SDK1: variants seen among roughly 807,000 people sequenced by gnomAD.
The protein encoded by SDK1 is protein sidekick-1.
SDK1 carries 157 observed loss-of-function variants against 245.5 expected under a neutral mutation model. The ratio of observed to expected loss-of-function variants is 0.64; its 90% confidence interval spans 0.56 to 0.73. The LOEUF is 0.73. SDK1 is among the 30% of genes least tolerant of loss of function. The pLI is 0.00. For synonymous variants in SDK1, 1,647 were observed against 1,278.5 expected, an observed-to-expected ratio of 1.29 and a Z score of -6.15; for missense variants, 3,583 against 3,002.3, an observed-to-expected ratio of 1.19 and a Z score of -4.52.
At chr7:3,675,387 A>G (rs183107575) in intron 4 of SDK1, among the ~76,000 whole-genome samples, 76 of 152,308 alleles carry the variant, frequency 5.0e-4, no homozygotes, top group Non-Finnish European at 8.2e-4. Context: ...GCTTGCTTGT[A>G]TTCAACACTT....
intron 5 of SDK1, among the ~76,000 whole-genome samples, chr7:3,920,028 G>T (rs555444196): frequency 6.6e-6 from 1 of 152,296 alleles, no homozygotes; most frequent in East Asian, 1.9e-4. Context: ...AGGATGAAAG[G>T]ATGTGGTTCA....
intron 5 of SDK1, among the ~76,000 whole-genome samples, chr7:3,930,316 A>G (rs1017015112): frequency 1.1e-4 from 16 of 152,220 alleles, no homozygotes; most frequent in African/African-American, 3.1e-4. Context: ...GCATGGCCAG[A>G]GCCCTGGCTT....
chr7:3,939,803 C>G (rs1406409864), intron 5 of SDK1, among the ~76,000 whole-genome samples: 1 of 152,208 alleles, frequency 6.6e-6, no homozygotes, highest in East Asian at 1.9e-4. Flanking sequence ...CTCTGAGATG[C>G]TTTTGCAGAC....
intron 1 of SDK1, among the ~76,000 whole-genome samples, chr7:3,616,532 T>G (rs1781778121): frequency 6.6e-6 from 1 of 152,216 alleles, no homozygotes; most frequent in African/African-American, 2.4e-5. Context: ...GCCAACACTT[T>G]TGTTCTCAGC....
intron 1 of SDK1, among the ~76,000 whole-genome samples, chr7:3,333,240 G>C (rs1189842478): frequency 6.6e-6 from 1 of 151,998 alleles, no homozygotes; most frequent in Non-Finnish European, 1.5e-5. Context: ...GCCGGTTATT[G>C]GCAAAAATTA....
At chr7:3,488,638 G>A (rs1313028541) in intron 1 of SDK1, among the ~76,000 whole-genome samples, 1 of 152,120 alleles carries the variant, frequency 6.6e-6, no homozygotes, top group African/African-American at 2.4e-5. Context: ...TCAGCTTCAG[G>A]TAATGAAAAA....
intron 1 of SDK1, among the ~76,000 whole-genome samples, chr7:3,339,190 G>C (rs374628038): frequency 6.7e-6 from 1 of 150,032 alleles, no homozygotes; most frequent in African/African-American, 2.5e-5. Context: ...AATTAATAAA[G>C]ACAGAGGCAT....
intron 1 of SDK1, among the ~76,000 whole-genome samples, chr7:3,426,439 A>G (rs1215942261): frequency 6.6e-6 from 1 of 152,192 alleles, no homozygotes; most frequent in African/African-American, 2.4e-5. Flanking sequence ...ACCCTAGGCA[A>G]GTCACCTTCT....
At chr7:3,796,247 G>A (rs1346521878) in intron 4 of SDK1, among the ~76,000 whole-genome samples, 1 of 152,236 alleles carries the variant, frequency 6.6e-6, no homozygotes, top group East Asian at 1.9e-4. Context: ...AAGTATAAGT[G>A]AAAGCTATGC....
chr7:3,529,548 T>TTTGTTG (rs563162258), intron 1 of SDK1, among the ~76,000 whole-genome samples: 59 of 151,506 alleles, frequency 3.9e-4, no homozygotes, highest in African/African-American at 1.1e-3. Context: ...AGAAGCAAAG[T>TTTGTTG]TTGTTGTTGT....
chr7:3,323,537 T>C (rs1376847937), intron 1 of SDK1, among the ~76,000 whole-genome samples: 1 of 152,192 alleles, frequency 6.6e-6, no homozygotes, highest in Non-Finnish European at 1.5e-5. Flanking sequence ...GAGGCTCCTG[T>C]TTTCTTGCTG....
intron 4 of SDK1, among the ~76,000 whole-genome samples, chr7:3,753,202 T>C (rs1408705452): frequency 6.6e-6 from 1 of 152,226 alleles, no homozygotes; most frequent in African/African-American, 2.4e-5. Flanking sequence ...CATGACTGTT[T>C]TTCAACCTGA....
intron 1 of SDK1, among the ~76,000 whole-genome samples, chr7:3,572,475 G>A (rs988292591): frequency 1.3e-4 from 20 of 151,970 alleles, no homozygotes; most frequent in Non-Finnish European, 1.8e-4. Context: ...TATAAACTGC[G>A]CAGACCAATG....
chr7:4,193,396 AT>A (rs1390616671), intron 35 of SDK1, among the ~76,000 whole-genome samples: 6,888 of 87,476 alleles, frequency 0.079, 217 homozygotes, highest in Middle Eastern at 0.27. Flanking sequence ...ATATATATAT[AT>A]AAAGGGGAGT....
At chr7:3,482,168 A>G (rs150878019) in intron 1 of SDK1, among the ~76,000 whole-genome samples, 2,228 of 152,356 alleles carry the variant, frequency 0.015, 22 homozygotes, top group Non-Finnish European at 0.024. Flanking sequence ...TTTACAGTCT[A>G]TTCATCGATC....
At chr7:3,970,648 T>C (rs545498684) in intron 11 of SDK1, among the ~76,000 whole-genome samples, 7 of 152,238 alleles carry the variant, frequency 4.6e-5, no homozygotes, top group Non-Finnish European at 8.8e-5. Flanking sequence ...AGATTCAACA[T>C]TATAGCGACA....
chr7:3,996,014 A>G (rs73673217), intron 14 of SDK1, among the ~76,000 whole-genome samples: 6,497 of 152,144 alleles, frequency 0.043, 461 homozygotes, highest in African/African-American at 0.15. Flanking sequence ...GTATTCTTAT[A>G]GGTTTTTGCC....
intron 4 of SDK1, among the ~76,000 whole-genome samples, chr7:3,814,862 T>A (rs1042665137): frequency 2.0e-5 from 3 of 151,896 alleles, no homozygotes; most frequent in African/African-American, 7.3e-5. Context: ...GGTATTTTAT[T>A]CTCTTTGAAG....
intron 22 of SDK1, among the ~76,000 whole-genome samples, chr7:4,086,239 G>A (rs1781420201): frequency 6.6e-6 from 1 of 152,148 alleles, no homozygotes; most frequent in South Asian, 2.1e-4. Flanking sequence ...GCTGGGGTTT[G>A]TTTATGTAGC....
Sources: gnomAD v4.1 joint callset for allele counts (sites outside exome capture counted in the v4.1 genomes callset) on GRCh38, gnomAD v4.1.1 for gene constraint, MANE v1.5 for transcripts, NCBI Gene and HGNC (gene_info 2026-07-23, HGNC 2026-07-21) for gene names.